The following SEC24B variants were observed in gnomAD, a reference collection of about 807,000 sequenced individuals.
The protein encoded by SEC24B is SEC24 homolog B, COPII component, also known as protein transport protein Sec24B.
SEC24B carries 45 observed loss-of-function variants against 142.8 expected under a neutral mutation model. That is an observed-to-expected ratio of 0.32 (90% CI 0.25 to 0.40). SEC24B has a LOEUF of 0.40. Among genes scored for constraint, SEC24B ranks in the 10% least tolerant of loss-of-function variants. The probability of loss-of-function intolerance (pLI) is 1.00; values close to 1 mark genes in which losing one functional copy is unlikely to be tolerated. For missense variants in SEC24B, 1,409 were observed against 1,526.8 expected (o/e 0.92, Z 1.29); for synonymous variants, 574 against 568.2 (o/e 1.01, Z -0.15).
At chr4:109,452,099 GT>G (rs1257416217) in intron 1 of SEC24B, among the ~76,000 whole-genome samples, 1 of 151,182 alleles carries the variant, frequency 6.6e-6, no homozygotes. Flanking sequence ...AGTTCTTATA[GT>G]CAGTACCTCT....
intron 1 of SEC24B, among the ~76,000 whole-genome samples, chr4:109,452,174 G>C (rs1277497087): frequency 2.6e-5 from 4 of 152,096 alleles, no homozygotes; most frequent in African/African-American, 9.7e-5. Flanking sequence ...CATGTAAACG[G>C]AACCATATAA....
In SEC24B at chr4:109,433,998, G is replaced by A. The variant is rs1728119648; in HGVS notation, c.129G>A (p.Gln43=). 8.5e-7 allele frequency: 1 copy of A among 1,170,982 alleles called. No individual in the cohort carries two copies. 72.5% of individuals were successfully genotyped at this position (1,170,982 alleles called of 1,614,324 possible). A position where few individuals can be genotyped will look rare whatever the true frequency, so the allele number is the denominator to read the frequency against. ...GPGAGPAPHQ[Q]NGPAQNQMQV... ...GTGCGGGCCCGGCGCCGCACCAGCA[G>A]AACGGTGAGGCGGGCGGCCCGGGCG... is the stretch of plus-strand genomic sequence containing the variant. The change falls in exon 1 of 24, where the codon CAG becomes CAA. Residue 43 remains glutamine (Q), a synonymous_variant. Transcript: ENST00000265175.
At chr4:109,516,456 G>A in intron 10 of SEC24B, 72 bp from the exon 11 acceptor site, 1 of 828,994 alleles carries the variant, frequency 1.2e-6, no homozygotes, top group Non-Finnish European at 1.9e-6. Context: ...TAAATATCCA[G>A]TAGCAATAGT....
At chr4:109,440,866 C>G (rs1276378594) in intron 1 of SEC24B, among the ~76,000 whole-genome samples, 1 of 152,220 alleles carries the variant, frequency 6.6e-6, no homozygotes, top group Non-Finnish European at 1.5e-5. Flanking sequence ...TGACAGGAGT[C>G]TGTGTGCCAG....
At chr4:109,509,411 C>T (rs1216516262) in intron 7 of SEC24B, among the ~76,000 whole-genome samples, 4 of 152,146 alleles carry the variant, frequency 2.6e-5, no homozygotes, top group Non-Finnish European at 2.9e-5. Flanking sequence ...CAGTGGCTCA[C>T]GCCTGTAATC....
chr4:109,474,423 T>TG (rs1732873567), intron 3 of SEC24B, among the ~76,000 whole-genome samples: 1 of 148,200 alleles, frequency 6.7e-6, no homozygotes, highest in Non-Finnish European at 1.5e-5. Context: ...TTCTTCCTAT[T>TG]GTTTTTTTTT....
intron 2 of SEC24B, among the ~76,000 whole-genome samples, chr4:109,464,031 C>G (rs28680423): frequency 0.12 from 17,980 of 152,106 alleles, 3,529 homozygotes; most frequent in African/African-American, 0.41. Flanking sequence ...AGCCAGAGCC[C>G]CACTTACTTA....
chr4:109,500,635 A>G lies in SEC24B; in HGVS notation c.1489-5693A>G, dbSNP rs375350368. Among the ~76,000 whole-genome samples the G allele has an allele frequency of 4.6e-5, 7 of 152,102 alleles. No homozygotes were observed. In the East Asian group the frequency reaches 1.2e-3, roughly 25 times the overall value. ...TTTATAAGGTAAAGAAGTTATGTAA[A>G]CTAATGTATTACAGAAGAAAGAAAA... On this transcript the variant is annotated intron_variant, in intron 6 of 23. Transcript: ENST00000265175.
chr4:109,531,847 C>G (rs929978026), intron 20 of SEC24B, among the ~76,000 whole-genome samples: 11 of 152,030 alleles, frequency 7.2e-5, no homozygotes, highest in Non-Finnish European at 5.9e-5. Context: ...GACTGCTTCT[C>G]TTTATTTTCT....
intron 1 of SEC24B, among the ~76,000 whole-genome samples, chr4:109,457,992 G>A (rs774845932): frequency 6.6e-5 from 10 of 152,020 alleles, no homozygotes; most frequent in African/African-American, 1.9e-4. Flanking sequence ...ATCTTTTAGC[G>A]GGCCACTCTT....
intron 9 of SEC24B, among the ~76,000 whole-genome samples, chr4:109,513,485 T>C (rs1001025001): frequency 7.2e-5 from 11 of 151,994 alleles, no homozygotes; most frequent in African/African-American, 2.7e-4. Flanking sequence ...GGTTTCACCA[T>C]GTTGGTCAGG....
At chr4:109,512,674 G>C (rs897268356) in intron 9 of SEC24B, among the ~76,000 whole-genome samples, 2 of 130,306 alleles carry the variant, frequency 1.5e-5, no homozygotes, top group African/African-American at 5.8e-5. Context: ...TTTTTTTTTT[G>C]AGACAGGGTC....
intron 1 of SEC24B, among the ~76,000 whole-genome samples, chr4:109,453,460 G>A (rs180719163): frequency 0.012 from 224 of 18,408 alleles, 7 homozygotes; most frequent in African/African-American, 0.039. Context: ...CCCCCCCCCC[G>A]AATGGCTGTT....
At chr4:109,448,688 C>T (rs1295630353) in intron 1 of SEC24B, among the ~76,000 whole-genome samples, 7 of 152,150 alleles carry the variant, frequency 4.6e-5, no homozygotes, top group African/African-American at 1.7e-4. Context: ...CCACCTCAGC[C>T]TCCCAAAGTG....
Position 109,506,404 on chromosome 4 carries a change from T to C in SEC24B, c.1565T>C (p.Leu522Pro). The change falls in exon 7 of 24, where the codon CTG (leucine) becomes CCG (proline). Residue 522 changes from leucine to proline, a missense_variant. Physicochemically the swap from Leu to Pro is moderately conservative, Grantham distance 98. This residue lies in a region of SEC24B where 709 missense variants were observed against 673.5 expected (regional missense o/e 1.05). Transcript: ENST00000265175. ...SLQSSPQPES[L>P]RPVNLTQERN... is the part of the protein sequence containing the mutation. Reference sequence around the variant, plus strand: ...CAGAGTTCTCCACAACCAGAAAGCCTGAGACCTGTAAACCTTACTCAGGAG... The same window carrying C: ...CAGAGTTCTCCACAACCAGAAAGCCCGAGACCTGTAAACCTTACTCAGGAG... The C allele has an allele frequency of 6.2e-7, 1 of 1,611,180 alleles. No individual in the cohort carries two copies. The highest frequency in any genetic ancestry group is 8.5e-7 in the Non-Finnish European group (1 of 1,178,366).
At position 109,510,099 on chromosome 4, in the gene SEC24B, C is replaced by T; in HGVS notation, c.1764C>T (p.Phe588=). The change falls in exon 8 of 24, where the codon TTC becomes TTT. Residue 588 remains phenylalanine, a synonymous_variant. Coordinates refer to ENST00000265175, the MANE Select transcript of SEC24B (RefSeq NM_006323.5). ...CTTTAGGATTGTTGTTACATCCCTT[C>T]AGAGACCTAACGGTAAAGTAACATT... ...KLPLGLLLHP[F]RDLTQLPVIT... 6.3e-7 allele frequency: 1 copy of T among 1,586,262 alleles called. No individual in the cohort carries two copies. Among genetic ancestry groups the T allele is most frequent in the Non-Finnish European group, 8.6e-7 (1 of 1,159,432 alleles).
At chr4:109,462,458 G>A (rs922510855) in intron 1 of SEC24B, among the ~76,000 whole-genome samples, 2 of 152,162 alleles carry the variant, frequency 1.3e-5, no homozygotes, top group Non-Finnish European at 2.9e-5. Flanking sequence ...AAGCTCAGTC[G>A]TGGTTGTTGG....
intron 1 of SEC24B, among the ~76,000 whole-genome samples, chr4:109,439,398 C>CATCAG (rs1177132977): frequency 1.4e-4 from 20 of 147,902 alleles, no homozygotes; most frequent in African/African-American, 4.8e-4. Flanking sequence ...TAACCGGAAG[C>CATCAG]ATCAGGTCCT....
chr4:109,539,514 C>A, intron 23 of SEC24B, 47 bp from the exon 24 acceptor site: 1 of 1,153,966 alleles, frequency 8.7e-7, no homozygotes, highest in South Asian at 1.3e-5. Context: ...GTGGTGAAAT[C>A]AGGGCTTTTA....
Sources: gnomAD v4.1 joint callset for allele counts (sites outside exome capture counted in the v4.1 genomes callset) on GRCh38, gnomAD v4.1.1 for gene constraint, gnomAD v4.1.1 regional missense constraint, MANE v1.5 for transcripts, NCBI Gene and HGNC (gene_info 2026-07-23, HGNC 2026-07-21) for gene names.